The following CEP192 variants were observed in gnomAD, a reference collection of about 807,000 sequenced individuals.
CEP192 encodes the protein centrosomal protein 192.
In CEP192, 151 loss-of-function variants were observed where a neutral mutation model predicts 271.8. The ratio of observed to expected loss-of-function variants is 0.56; its 90% CI spans 0.49 to 0.64. The LOEUF is 0.64. Ranked by LOEUF, CEP192 falls within the 30% of genes least tolerant of loss-of-function variation. CEP192 has a pLI of 0.00. For missense variants in CEP192, 2,910 were observed against 3,020.5 expected (o/e 0.96, Z 0.86); for synonymous variants, 995 against 1,076.5 (o/e 0.92, Z 1.48).
intron 32 of CEP192, among the ~76,000 whole-genome samples, chr18:13,088,416 G>A (rs2038994151): frequency 6.6e-6 from 1 of 152,084 alleles, no homozygotes; most frequent in Non-Finnish European, 1.5e-5. Context: ...CTCCAGCCTT[G>A]GTGACAGAGC....
chr18:13,034,975 G>A (rs920397609), intron 11 of CEP192, among the ~76,000 whole-genome samples: 5 of 152,102 alleles, frequency 3.3e-5, no homozygotes, highest in Admixed American at 1.3e-4. Context: ...CTGCTTCCAC[G>A]TTTGGCCTCG....
intron 14 of CEP192, among the ~76,000 whole-genome samples, chr18:13,041,178 C>T (rs1295420210): frequency 6.6e-6 from 1 of 152,050 alleles, no homozygotes; most frequent in African/African-American, 2.4e-5. Flanking sequence ...GTAAAAACCA[C>T]AGTAAATGAA....
intron 9 of CEP192, among the ~76,000 whole-genome samples, chr18:13,020,210 A>T (rs199638569): frequency 6.6e-6 from 1 of 152,022 alleles, no homozygotes; most frequent in East Asian, 1.9e-4. Flanking sequence ...AACAAACTCT[A>T]CCCATTAAAC....
At chr18:13,033,151 T>A (rs1598413772) in intron 11 of CEP192, among the ~76,000 whole-genome samples, 1 of 152,192 alleles carries the variant, frequency 6.6e-6, no homozygotes, top group East Asian at 1.9e-4. Flanking sequence ...CGTAAAAAGT[T>A]TTTAAAAATT....
At chr18:13,015,077 T>C (rs936843778) in intron 5 of CEP192, among the ~76,000 whole-genome samples, 5 of 152,206 alleles carry the variant, frequency 3.3e-5, no homozygotes, top group African/African-American at 1.2e-4. Context: ...TCTCTGAGCA[T>C]GTGCACAGTT....
intron 1 of CEP192, among the ~76,000 whole-genome samples, chr18:12,995,632 G>T (rs1294412809): frequency 6.6e-6 from 1 of 152,198 alleles, no homozygotes; most frequent in Non-Finnish European, 1.5e-5. Context: ...ACATTCTAAT[G>T]TGGGGAGAAA....
At chr18:13,004,244 C>G (rs996554858) in intron 3 of CEP192, among the ~76,000 whole-genome samples, 3 of 151,280 alleles carry the variant, frequency 2.0e-5, no homozygotes, top group African/African-American at 4.9e-5. Flanking sequence ...TGAAAGGGAG[C>G]AGAGAAACGA....
Position 13,052,903 on chromosome 18 carries a change from T to TTCA in CEP192, c.3018-16_3018-15insTCA, listed in dbSNP as rs759979248. ...GGACTGGAGAACTCCAGGTGTGAGC[T>TTCA]ACTCTTCTCTTTCAGGTGTGCGTTA... is the stretch of plus-strand genomic sequence containing the variant. On this transcript the variant is annotated splice_polypyrimidine_tract_variant and intron_variant, in intron 17 of 44. Transcript: ENST00000506447. The TTCA allele has an allele frequency of 0.13, 201,347 of 1,548,760 alleles. 15,257 individuals carry two copies. Among genetic ancestry groups the TTCA allele is most frequent in the East Asian group, 0.28 (12,393 of 43,674 alleles).
At chr18:13,016,310 T>A (rs563657911) in intron 6 of CEP192, among the ~76,000 whole-genome samples, 1 of 152,242 alleles carries the variant, frequency 6.6e-6, no homozygotes, top group East Asian at 1.9e-4. Flanking sequence ...GGCCCTGCTG[T>A]AAGCACGTGG....
chr18:13,063,967 T>A (rs1413592633), intron 21 of CEP192, among the ~76,000 whole-genome samples: 1 of 151,584 alleles, frequency 6.6e-6, no homozygotes, highest in Admixed American at 6.6e-5. Flanking sequence ...ATTACAGGCA[T>A]GCACCACCAC....
At chr18:13,104,383 A>G (rs1460067604) in intron 39 of CEP192, among the ~76,000 whole-genome samples, 1 of 152,172 alleles carries the variant, frequency 6.6e-6, no homozygotes, top group Non-Finnish European at 1.5e-5. Flanking sequence ...GGTGGTGTTT[A>G]GAACACTGTG....
rs140804839 is a variant in CEP192, at chr18:13,067,139, T to G, written c.4489-692T>G. Among the ~76,000 whole-genome samples, 876 of 152,288 alleles carry G rather than the reference T, an allele frequency of 5.8e-3. 13 individuals carry two copies. Among genetic ancestry groups the G allele is most frequent in the African/African-American group, 0.02 (839 of 41,562 alleles). ...ATGTACAGACATTTTTTTCTTGTCA[T>G]TATTCTCTAACAATAAAGTATAATG... On this transcript the variant is annotated intron_variant, in intron 21 of 44. Coordinates refer to ENST00000506447, the MANE Select transcript of CEP192 (RefSeq NM_032142.4).
intron 5 of CEP192, among the ~76,000 whole-genome samples, chr18:13,014,864 G>A (rs191538184): frequency 6.6e-6 from 1 of 152,294 alleles, no homozygotes; most frequent in East Asian, 1.9e-4. Flanking sequence ...TGGGCCTTGA[G>A]TATCATTAAA....
Position 13,059,258 on chromosome 18 carries a change from A to G in CEP192, c.4434A>G (p.Glu1478=). The G allele has an allele frequency of 6.2e-7, 1 of 1,614,214 alleles. No individual in the cohort carries two copies. Among genetic ancestry groups the G allele is most frequent in the Non-Finnish European group, 8.5e-7 (1 of 1,180,032 alleles). Residue 1478 remains glutamate (E), a synonymous_variant, in exon 21 of 45, where the codon GAA becomes GAG. Transcript: ENST00000506447. ...STDAETIVQA[E]ALASTVTLTA... ...ATGCTGAGACCATCGTACAGGCAGA[A>G]GCTTTGGCCAGCACCGTCACTCTCA...
chr18:13,084,034 G>A (rs2038764165), intron 30 of CEP192, among the ~76,000 whole-genome samples: 2 of 152,076 alleles, frequency 1.3e-5, no homozygotes, highest in African/African-American at 2.4e-5. Flanking sequence ...GGTGTCATTC[G>A]GCCCCTGCTG....
intron 43 of CEP192, among the ~76,000 whole-genome samples, chr18:13,116,895 C>A (rs2040458834): frequency 6.6e-6 from 1 of 152,126 alleles, no homozygotes; most frequent in Admixed American, 6.5e-5. Flanking sequence ...AGGCGTGTGC[C>A]ACCACGCCCG....
intron 9 of CEP192, among the ~76,000 whole-genome samples, chr18:13,019,854 CTG>C (rs1413532857): frequency 6.6e-6 from 1 of 151,306 alleles, no homozygotes; most frequent in African/African-American, 2.4e-5. Context: ...CAGTCTCACT[CTG>C]TCACCCAGTG....
intron 11 of CEP192, among the ~76,000 whole-genome samples, chr18:13,034,615 G>A (rs1183712520): frequency 2.0e-5 from 3 of 151,712 alleles, no homozygotes; most frequent in Middle Eastern, 3.4e-3. Flanking sequence ...AGACCATCCT[G>A]GCTAACATGG....
At chr18:13,066,566 A>T (rs1178657336) in intron 21 of CEP192, among the ~76,000 whole-genome samples, 1 of 152,182 alleles carries the variant, frequency 6.6e-6, no homozygotes, top group Non-Finnish European at 1.5e-5. Flanking sequence ...TTGAGGTGTT[A>T]AAAGCCTTTG....
Sources: gnomAD v4.1 joint callset for allele counts (sites outside exome capture counted in the v4.1 genomes callset) on GRCh38, gnomAD v4.1.1 for gene constraint, MANE v1.5 for transcripts, NCBI Gene and HGNC (gene_info 2026-07-23, HGNC 2026-07-21) for gene names.